The following MFHAS1 variants were observed in gnomAD, a reference collection of about 807,000 sequenced individuals.
MFHAS1 encodes multifunctional ROCO family signaling regulator 1.
Under a neutral mutation model 70.4 loss-of-function variants are expected in MFHAS1, and 50 were observed. The observed-to-expected ratio is 0.71, with a 90% CI of 0.57 to 0.90. The LOEUF is 0.90. Among genes scored for constraint, MFHAS1 ranks in the 40% least tolerant of loss-of-function variants. MFHAS1 has a pLI of 0.00. For missense variants in MFHAS1, 1,795 were observed against 1,347.6 expected (o/e 1.33, Z -5.20); for synonymous variants, 952 against 620.0 (o/e 1.54, Z -7.96).
chr8:8,826,847 G>A lies in MFHAS1; in HGVS notation c.2999-29356C>T, dbSNP rs552015832. Among the ~76,000 whole-genome samples the A allele has an allele frequency of 3.9e-5, 6 of 152,236 alleles. No homozygotes were observed. The South Asian group carries it at 1.2e-3, about 32-fold the overall frequency. On this transcript the variant is annotated intron_variant, in intron 1 of 2. Transcript: ENST00000276282. ...AAATGCAGATGTGAGGTCCGGTACA[G>A]TGCAGCCATCTTGCTGCCATAAGGA...
At chr8:8,855,397 G>C (rs1808400144) in intron 1 of MFHAS1, among the ~76,000 whole-genome samples, 1 of 152,238 alleles carries the variant, frequency 6.6e-6, no homozygotes, top group Non-Finnish European at 1.5e-5. Context: ...TGGAGGATTG[G>C]AGGCGCTTTC....
At position 8,868,169 on chromosome 8, in the gene MFHAS1, T is replaced by G. The variant is rs2163386; in HGVS notation, c.2998+21892A>C. On this transcript the variant is annotated intron_variant, in intron 1 of 2. Coordinates refer to ENST00000276282, the MANE Select transcript of MFHAS1 (RefSeq NM_004225.3). ...TCAGTTGAATCTCCCAGGTGCTTAT[T>G]CCTTGCTGCAAGGCCTCTGGAAACT... Among the ~76,000 whole-genome samples, 982 of 152,086 alleles carry G rather than the reference T, an allele frequency of 6.5e-3. 9 individuals carry two copies. The highest frequency in any genetic ancestry group is 0.022 in the African/African-American group (929 of 41,454).
At chr8:8,793,377 A>G (rs1396491395) in intron 2 of MFHAS1, among the ~76,000 whole-genome samples, 19 of 152,250 alleles carry the variant, frequency 1.2e-4, no homozygotes, top group Admixed American at 1.2e-3. Flanking sequence ...CAGTTAAATG[A>G]CAAGTCTCTG....
At chr8:8,871,821 T>C (rs936821474) in intron 1 of MFHAS1, among the ~76,000 whole-genome samples, 2 of 152,014 alleles carry the variant, frequency 1.3e-5, no homozygotes, top group African/African-American at 4.8e-5. Flanking sequence ...CTGGGAGAGG[T>C]TAACATACTG....
At chr8:8,852,430 C>T (rs538222915) in intron 1 of MFHAS1, among the ~76,000 whole-genome samples, 5 of 152,080 alleles carry the variant, frequency 3.3e-5, no homozygotes, top group South Asian at 2.1e-4. Context: ...ACTGAGATCA[C>T]GCCACTCCAG....
chr8:8,787,512 T>A lies in MFHAS1; in HGVS notation c.3126-1457A>T, dbSNP rs75254293. On this transcript the variant is annotated intron_variant, in intron 2 of 2. Transcript: ENST00000276282. ...CTCCAAAGCTCAAAGAGAAGTTGGA[T>A]ATTTGGAGCCCTAGGAAAGAGTTTC... Among the ~76,000 whole-genome samples, 513 of 152,294 alleles carry A rather than the reference T, an allele frequency of 3.4e-3. 5 individuals are homozygous for A. Among genetic ancestry groups the A allele is most frequent in the African/African-American group, 0.012 (484 of 41,544 alleles).
chr8:8,822,039 C>T (rs1039914), intron 1 of MFHAS1: 119,358 of 152,306 alleles, frequency 0.78, 46,851 homozygotes, highest in East Asian at 0.9. Flanking sequence ...GAAGCCTGCA[C>T]GAGATGCTAT....
chr8:8,864,725 G>C (rs1233233589), intron 1 of MFHAS1, among the ~76,000 whole-genome samples: 1 of 152,106 alleles, frequency 6.6e-6, no homozygotes, highest in Non-Finnish European at 1.5e-5. Context: ...CAGGATAAAA[G>C]TCCTTGAACT....
intron 2 of MFHAS1, 108 bp downstream of exon 2, chr8:8,797,257 C>G (rs544192023): frequency 7.6e-7 from 1 of 1,310,448 alleles, no homozygotes; most frequent in South Asian, 1.5e-5. Flanking sequence ...TTCAGGAGGA[C>G]TTTGCAAGGT....
chr8:8,825,728 C>G (rs946343476), intron 1 of MFHAS1, among the ~76,000 whole-genome samples: 2 of 152,190 alleles, frequency 1.3e-5, no homozygotes, highest in Non-Finnish European at 2.9e-5. Context: ...GACCCTAACT[C>G]CAAATACTAC....
intron 2 of MFHAS1, among the ~76,000 whole-genome samples, chr8:8,794,476 T>C (rs923754766): frequency 3.6e-4 from 55 of 152,278 alleles, no homozygotes; most frequent in African/African-American, 1.3e-3. Context: ...TGTCCATGTG[T>C]TCATGGATGT....
chr8:8,857,616 C>T lies in MFHAS1; in HGVS notation c.2998+32445G>A, dbSNP rs572212480. On this transcript the variant is annotated intron_variant, in intron 1 of 2. Transcript: ENST00000276282. ...TACCAAAAAATATATAAAAATTAGC[C>T]AGGCATGGTGGCGGGTGCCTGTAGT... Among the ~76,000 whole-genome samples, 18 of 152,018 alleles carry T rather than the reference C, an allele frequency of 1.2e-4. No individual in the cohort carries two copies. The East Asian group carries it at 3.5e-3, about 29-fold the overall frequency.
chr8:8,892,810 C>T lies in MFHAS1; in HGVS notation c.249G>A (p.Gly83=), dbSNP rs1446240129. 2 of 1,589,832 alleles carry T rather than the reference C, an allele frequency of 1.3e-6. No homozygotes were observed. The highest frequency in any genetic ancestry group is 1.7e-6 in the Non-Finnish European group (2 of 1,168,726). Residue 83 remains glycine (G), a synonymous_variant, in exon 1 of 3, where the codon GGG becomes GGA. Transcript: ENST00000276282. This position sits in a 1 kb window ranked among gnomAD's most constrained non-coding sequence, Gnocchi z 4.7. ...GGACGCGCAGGCTGCCCAGCGCCGA[C>T]CCCAGCCCCTCGGGTACCTCCTCCA... ...NGLEEVPEGL[G]SALGSLRVLV...
At chr8:8,798,812 G>A (rs769572897) in intron 1 of MFHAS1, among the ~76,000 whole-genome samples, 1 of 152,116 alleles carries the variant, frequency 6.6e-6, no homozygotes, top group Non-Finnish European at 1.5e-5. Flanking sequence ...AGTTTGGAAG[G>A]CTGAGGCAGG....
chr8:8,870,686 T>C (rs1045120314), intron 1 of MFHAS1, among the ~76,000 whole-genome samples: 12 of 151,990 alleles, frequency 7.9e-5, no homozygotes, highest in African/African-American at 2.9e-4. Flanking sequence ...CCCGCAGGCC[T>C]CTCCGAGCCC....
chr8:8,787,825 G>C (rs752298065), intron 2 of MFHAS1, among the ~76,000 whole-genome samples: 2 of 152,210 alleles, frequency 1.3e-5, no homozygotes, highest in Admixed American at 6.5e-5. Flanking sequence ...GTAAGACTGA[G>C]AAACACAAGA....
Position 8,891,078 on chromosome 8 carries a change from G to A in MFHAS1, c.1981C>T (p.Arg661Ter). 6.2e-7 allele frequency: 1 copy of A among 1,613,760 alleles called. No individual in the cohort carries two copies. The highest frequency in any genetic ancestry group is 8.5e-7 in the Non-Finnish European group (1 of 1,179,924). Reference protein sequence around the residue: ...IFPNLHRVLPRSWQVLEELHF... With the variant: ...IFPNLHRVLP ...AGTTCCTCCAGCACCTGCCAGGATC[G>A]AGGCAGTACTCTGTGTAAGTTGGGG... is the stretch of plus-strand genomic sequence containing the variant. The change falls in exon 1 of 3, where the codon CGA becomes TGA. Residue 661 changes from arginine to a stop codon, truncating the protein, a stop_gained. Coordinates refer to ENST00000276282, the MANE Select transcript of MFHAS1 (RefSeq NM_004225.3). LOFTEE classifies it high-confidence loss of function. This position sits in a 1 kb window ranked among gnomAD's most constrained non-coding sequence, Gnocchi z 5.4.
intron 1 of MFHAS1, among the ~76,000 whole-genome samples, chr8:8,873,512 G>C (rs1053289389): frequency 1.4e-5 from 2 of 145,854 alleles, no homozygotes; most frequent in African/African-American, 5.0e-5. Flanking sequence ...ACACATTTTA[G>C]AGTGCTGGGT....
chr8:8,890,944 G>A lies in MFHAS1; in HGVS notation c.2115C>T (p.Ser705=), dbSNP rs780669061. 1.2e-6 allele frequency: 2 copies of A among 1,614,090 alleles called. No individual in the cohort carries two copies. Among genetic ancestry groups the A allele is most frequent in the Non-Finnish European group, 8.5e-7 (1 of 1,180,030 alleles). ...LTEDRLQSAL[S]YLHESGKLLY... ...GTAGCTTGCCGCTCTCATGCAGGTA[G>A]GAGAGGGCACTCTGCAGTCGGTCCT... Residue 705 remains serine (S), a synonymous_variant, in exon 1 of 3, where the codon TCC becomes TCT. Transcript: ENST00000276282.
Sources: gnomAD v4.1 joint callset for allele counts (sites outside exome capture counted in the v4.1 genomes callset) on GRCh38, gnomAD v4.1.1 for gene constraint, Gnocchi (gnomAD v3.1) non-coding constraint, MANE v1.5 for transcripts, NCBI Gene and HGNC (gene_info 2026-07-23, HGNC 2026-07-21) for gene names.